Variants in EPB41 observed in about 807,000 individuals in gnomAD.
EPB41 encodes protein 4.1.
In EPB41, 65 loss-of-function variants were observed where a neutral mutation model predicts 108.0. The ratio of observed to expected loss-of-function variants is 0.60; its 90% CI spans 0.49 to 0.74. The LOEUF is 0.74. EPB41 is among the 30% of genes least tolerant of loss of function. The probability of loss-of-function intolerance (pLI) is 0.00; values close to 1 mark genes in which losing one functional copy is unlikely to be tolerated. For missense variants in EPB41, 875 were observed against 1,037.0 expected, an observed-to-expected ratio of 0.84 and a Z score of 2.15; for synonymous variants, 336 against 358.9, an observed-to-expected ratio of 0.94 and a Z score of 0.72.
At chr1:28,896,386 G>A (rs1006527639) in intron 1 of EPB41, among the ~76,000 whole-genome samples, 1 of 152,190 alleles carries the variant, frequency 6.6e-6, no homozygotes, top group African/African-American at 2.4e-5. Flanking sequence ...GGAGGGAGGT[G>A]GCCTCATGGA....
chr1:29,072,314 A>G (rs1221225084), intron 16 of EPB41: 4 of 152,214 alleles, frequency 2.6e-5, no homozygotes, highest in African/African-American at 9.6e-5. Flanking sequence ...TGGGAAATAA[A>G]GATACAAGAG....
chr1:28,982,844 A>C (rs1283030750), intron 1 of EPB41, among the ~76,000 whole-genome samples: 1 of 152,238 alleles, frequency 6.6e-6, no homozygotes, highest in South Asian at 2.1e-4. Context: ...CATGTAAAGT[A>C]GCCTATGAAG....
In EPB41 at chr1:28,891,067, G is replaced by C. The variant is rs75060680; in HGVS notation, c.-8+3857G>C. 8.7e-3 allele frequency: 7,593 copies of C among 877,188 alleles called. 47 individuals carry two copies. Among genetic ancestry groups the C allele is most frequent in the Middle Eastern group, 0.046 (79 of 1,712 alleles). 54.3% of individuals were successfully genotyped at this position (877,188 alleles called of 1,614,324 possible). On this transcript the variant is annotated intron_variant, in intron 1 of 16. Transcript: ENST00000347529. The stretch of plus-strand genomic sequence containing the variant: ...CCTCCAGGTCAGCCAGGGCCCACTA[G>C]GGGTTTCCCCAGAGGGGCAGCCCCA...
intron 1 of EPB41, among the ~76,000 whole-genome samples, chr1:28,982,039 T>TC (rs1205379292): frequency 6.6e-6 from 1 of 151,828 alleles, no homozygotes; most frequent in African/African-American, 2.4e-5. Context: ...ATGCTATCCC[T>TC]CCCCCCTTCC....
chr1:29,108,207 G>A (rs1362194223), intron 17 of EPB41, among the ~76,000 whole-genome samples: 1 of 140,924 alleles, frequency 7.1e-6, no homozygotes, highest in African/African-American at 2.7e-5. Flanking sequence ...GGAGTGCAAT[G>A]TCGCAATCTC....
chr1:29,089,532 C>T (rs1660442012), intron 16 of EPB41, among the ~76,000 whole-genome samples: 1 of 152,102 alleles, frequency 6.6e-6, no homozygotes, highest in Non-Finnish European at 1.5e-5. Flanking sequence ...ACAATGGGAA[C>T]CAAAGAGGAC....
At chr1:28,922,079 C>T (rs1417716184) in intron 1 of EPB41, among the ~76,000 whole-genome samples, 2 of 149,146 alleles carry the variant, frequency 1.3e-5, no homozygotes, top group African/African-American at 4.9e-5. Flanking sequence ...AAGCGATTCT[C>T]CTGCCTCAGC....
chr1:28,911,406 C>T (rs1196403034), upstream of EPB41, among the ~76,000 whole-genome samples: 2 of 152,292 alleles, frequency 1.3e-5, no homozygotes, highest in East Asian at 1.9e-4. Context: ...TTCATACCTG[C>T]CTTGTGTCTA....
intron 1 of EPB41, among the ~76,000 whole-genome samples, chr1:28,938,382 A>T (rs1293508486): frequency 7.2e-5 from 11 of 152,044 alleles, no homozygotes; most frequent in Admixed American, 7.2e-4. Context: ...TCTTTCATTG[A>T]TGGGTTATAG....
intron 12 of EPB41, among the ~76,000 whole-genome samples, chr1:29,056,321 A>G (rs1347276633): frequency 6.6e-6 from 1 of 152,144 alleles, no homozygotes; most frequent in African/African-American, 2.4e-5. Flanking sequence ...TATTTATTAT[A>G]TAAAGCAATA....
At chr1:29,104,778 CAG>C (rs1666585752) in intron 17 of EPB41, among the ~76,000 whole-genome samples, 1 of 151,886 alleles carries the variant, frequency 6.6e-6, no homozygotes, top group South Asian at 2.1e-4. Context: ...TCAGTAGAAA[CAG>C]GGCTTCGCCA....
chr1:29,022,371 A>AT lies in EPB41; in HGVS notation c.1124+3930dup, dbSNP rs1029820910. ...TCTTTAAGAAACTGCCATTGATATA[A>AT]TAAAAAAAAAAAAAAAAAAAGAAAC... is the stretch of plus-strand genomic sequence containing the variant. On this transcript the variant is annotated intron_variant, in intron 7 of 20. Coordinates refer to ENST00000343067, the MANE Select transcript of EPB41 (RefSeq NM_001376013.1). Among the ~76,000 whole-genome samples, 112 of 131,452 alleles carry AT rather than the reference A, an allele frequency of 8.5e-4. 2 individuals are homozygous for AT. In the South Asian group the frequency reaches 0.025, roughly 30 times the overall value. 86.2% of individuals were successfully genotyped at this position (131,452 alleles called of 152,430 possible). A position where few individuals can be genotyped will look rare whatever the true frequency, so the allele number is the denominator to read the frequency against.
intron 17 of EPB41, among the ~76,000 whole-genome samples, chr1:29,105,743 C>CTTTTTTTT (rs63685960): frequency 3.3e-5 from 3 of 91,082 alleles, no homozygotes; most frequent in African/African-American, 4.3e-5. Context: ...ATGTACAGAT[C>CTTTTTTTT]TTTTTTTTTT....
upstream of EPB41, among the ~76,000 whole-genome samples, chr1:28,912,658 C>T (rs2092315785): frequency 1.3e-5 from 2 of 151,830 alleles, no homozygotes; most frequent in South Asian, 4.2e-4. Flanking sequence ...CTCTTGTCAC[C>T]CAACCTGGAG....
At chr1:28,943,498 T>TA (rs1384815974) in intron 1 of EPB41, among the ~76,000 whole-genome samples, 2 of 151,630 alleles carry the variant, frequency 1.3e-5, no homozygotes, top group Non-Finnish European at 2.9e-5. Context: ...ACTAAAAAAT[T>TA]AAAAAATTAG....
intron 1 of EPB41, among the ~76,000 whole-genome samples, chr1:28,952,390 G>A (rs1208906558): frequency 6.6e-6 from 1 of 151,984 alleles, no homozygotes; most frequent in African/African-American, 2.4e-5. Context: ...GCCATGCATG[G>A]TGGCGCCTGC....
rs1216950679 is a variant in EPB41 at position 28,993,550 on chromosome 1, T to A, written c.681+8T>A. On this transcript the variant is annotated splice_region_variant and intron_variant, in intron 3 of 20. Transcript: ENST00000343067. ...TATGAATGTGTTGTGGAGGTGAGTA[T>A]GTTTTCATTTCCAACAATCAGAACT... 4 of 1,613,130 alleles carry A rather than the reference T, an allele frequency of 2.5e-6. No individual in the cohort carries two copies. The highest frequency in any genetic ancestry group is 3.4e-6 in the Non-Finnish European group (4 of 1,179,264).
At chr1:29,090,359 TAGCGGATAA>T (rs1660745873) in intron 16 of EPB41, among the ~76,000 whole-genome samples, 1 of 152,134 alleles carries the variant, frequency 6.6e-6, no homozygotes, top group South Asian at 2.1e-4. Flanking sequence ...CTCTGGGGGT[TAGCGGATAA>T]ATGTAAGGAA....
chr1:28,965,399 T>C (rs148140124), intron 1 of EPB41, among the ~76,000 whole-genome samples: 1 of 152,132 alleles, frequency 6.6e-6, no homozygotes, highest in Non-Finnish European at 1.5e-5. Flanking sequence ...TTTTTGAAAC[T>C]GATTTCCTGT....
Sources: allele counts gnomAD v4.1 joint callset (sites outside exome capture counted in the v4.1 genomes callset), GRCh38; gene constraint gnomAD v4.1.1; transcripts MANE v1.5; gene names NCBI Gene and HGNC (gene_info 2026-07-23, HGNC 2026-07-21).